Variants in SCHIP1 observed in about 807,000 individuals in gnomAD.
SCHIP1 encodes the protein schwannomin-interacting protein 1.
Under a neutral mutation model 29.7 loss-of-function variants are expected in SCHIP1, and 8 were observed. That is an observed-to-expected ratio of 0.27 (90% CI 0.16 to 0.49). SCHIP1 has a LOEUF of 0.49. Ranked by LOEUF, SCHIP1 falls within the 20% of genes least tolerant of loss-of-function variation. SCHIP1 has a pLI of 0.99. For missense variants in SCHIP1, 193 were observed against 294.6 expected, an observed-to-expected ratio of 0.66 and a Z score of 2.52; for synonymous variants, 76 against 94.9, an observed-to-expected ratio of 0.80 and a Z score of 1.16.
At chr3:159,647,709 G>A in the SCHIP1 span, among the ~76,000 whole-genome samples, 4 of 152,182 alleles carry the variant, frequency 2.6e-5, no homozygotes, top group East Asian at 7.7e-4. Context: ...TAAAACAATT[G>A]TTCACCACTG....
At chr3:159,441,011 G>A in the SCHIP1 span, among the ~76,000 whole-genome samples, 1 of 152,166 alleles carries the variant, frequency 6.6e-6, no homozygotes, top group Non-Finnish European at 1.5e-5. Context: ...TCATCGCAGT[G>A]ATAGAAGAGG....
chr3:159,442,168 C>G, the SCHIP1 span, among the ~76,000 whole-genome samples: 29 of 152,242 alleles, frequency 1.9e-4, no homozygotes, highest in African/African-American at 7.0e-4. Context: ...TCAGCCAGGG[C>G]TCCTTGCATG....
At chr3:159,517,687 A>T in the SCHIP1 span, among the ~76,000 whole-genome samples, 7 of 151,166 alleles carry the variant, frequency 4.6e-5, no homozygotes, top group African/African-American at 1.7e-4. Context: ...TGTACATAAT[A>T]TATATATATA....
chr3:159,699,773 G>T, the SCHIP1 span, among the ~76,000 whole-genome samples: 4 of 152,174 alleles, frequency 2.6e-5, no homozygotes, highest in African/African-American at 4.8e-5. Context: ...CCTAGTGATG[G>T]CATAAGAAAA....
chr3:159,611,116 A>G, the SCHIP1 span, among the ~76,000 whole-genome samples: 24 of 152,194 alleles, frequency 1.6e-4, no homozygotes, highest in African/African-American at 5.5e-4. Flanking sequence ...CAATACAGGC[A>G]GGGCAGAAAT....
the SCHIP1 span, among the ~76,000 whole-genome samples, chr3:159,511,768 T>C: frequency 1.1e-4 from 16 of 152,334 alleles, no homozygotes; most frequent in Admixed American, 7.8e-4. Flanking sequence ...GATATTCTAA[T>C]AAATTTTTAA....
chr3:159,301,350 T>C, the SCHIP1 span, among the ~76,000 whole-genome samples: 7 of 152,172 alleles, frequency 4.6e-5, no homozygotes, highest in African/African-American at 1.7e-4. Context: ...TTTGTGTTTT[T>C]GGAGTTGTTT....
the SCHIP1 span, among the ~76,000 whole-genome samples, chr3:159,377,858 A>T: frequency 6.6e-6 from 1 of 152,186 alleles, no homozygotes; most frequent in South Asian, 2.1e-4. Context: ...TAAGAGAGGA[A>T]CAATAGAAGT....
chr3:159,711,360 C>CAAAAA, the SCHIP1 span, among the ~76,000 whole-genome samples: 1 of 6,750 alleles, frequency 1.5e-4, no homozygotes, highest in Non-Finnish European at 2.0e-4. Context: ...GACTCCGTCT[C>CAAAAA]AAAAAAAAAA....
the SCHIP1 span, among the ~76,000 whole-genome samples, chr3:159,467,844 A>G: frequency 6.6e-6 from 1 of 152,250 alleles, no homozygotes; most frequent in East Asian, 1.9e-4. Flanking sequence ...GAGTGATTGT[A>G]AATATCTTGT....
At chr3:159,890,925 C>T (rs1008416994) in intron 5 of SCHIP1, among the ~76,000 whole-genome samples, 1 of 152,128 alleles carries the variant, frequency 6.6e-6, no homozygotes, top group African/African-American at 2.4e-5. Context: ...GCCCAGAGCT[C>T]TTGCTAAATG....
chr3:159,528,226 CAT>C, the SCHIP1 span, among the ~76,000 whole-genome samples: 2 of 152,106 alleles, frequency 1.3e-5, no homozygotes, highest in South Asian at 4.1e-4. Context: ...TAGAACAAAA[CAT>C]AAAATTGTTG....
At chr3:159,545,741 T>C in the SCHIP1 span, among the ~76,000 whole-genome samples, 1 of 148,586 alleles carries the variant, frequency 6.7e-6, no homozygotes, top group Non-Finnish European at 1.5e-5. Flanking sequence ...TATATATGTA[T>C]ATATACACAC....
chr3:159,837,312 G>C (rs570950954), upstream of SCHIP1, among the ~76,000 whole-genome samples: 1 of 152,200 alleles, frequency 6.6e-6, no homozygotes, highest in African/African-American at 2.4e-5. Context: ...TGAAGTTAGA[G>C]CTGTTCTGTC....
chr3:159,562,728 C>G, the SCHIP1 span, among the ~76,000 whole-genome samples: 4 of 152,288 alleles, frequency 2.6e-5, no homozygotes, highest in East Asian at 7.7e-4. Flanking sequence ...CCAATTCATC[C>G]TCTCCCAGAA....
the SCHIP1 span, among the ~76,000 whole-genome samples, chr3:159,473,674 G>GAAAAAAAAAAAAAAAAAAACAAA: frequency 1.2e-5 from 1 of 81,446 alleles, no homozygotes; most frequent in African/African-American, 4.7e-5. Context: ...ATGTAACTAC[G>GAAAAAAAAAAAAAAAAAAACAAA]AAAAAAAAAA....
At chr3:159,857,625 A>G (rs1198167790) in intron 1 of SCHIP1, among the ~76,000 whole-genome samples, 2 of 152,056 alleles carry the variant, frequency 1.3e-5, no homozygotes, top group Non-Finnish European at 2.9e-5. Flanking sequence ...GACAACCGCT[A>G]ATTTACTTTA....
At chr3:159,336,308 G>T in the SCHIP1 span, among the ~76,000 whole-genome samples, 2 of 152,072 alleles carry the variant, frequency 1.3e-5, no homozygotes, top group South Asian at 2.1e-4. Context: ...TGTTCACTCC[G>T]ATGGTAGTTT....
chr3:159,694,050 A>G, the SCHIP1 span, among the ~76,000 whole-genome samples: 1 of 152,122 alleles, frequency 6.6e-6, no homozygotes, highest in Non-Finnish European at 1.5e-5. Flanking sequence ...GCACTCACCT[A>G]TCTGTGATAT....
Sources: gnomAD v4.1 joint callset for allele counts (sites outside exome capture counted in the v4.1 genomes callset) on GRCh38, gnomAD v4.1.1 for gene constraint, MANE v1.5 for transcripts, NCBI Gene and HGNC (gene_info 2026-07-23, HGNC 2026-07-21) for gene names.